Variants in RAPGEF4 observed in about 807,000 individuals in gnomAD.
RAPGEF4 encodes the protein RAP guanine-nucleotide-exchange factor (GEF) 4.
Under a neutral mutation model 147.9 loss-of-function variants are expected in RAPGEF4, and 66 were observed. The observed-to-expected ratio is 0.45, with a 90% CI of 0.37 to 0.55. The LOEUF is 0.55. Among genes scored for constraint, RAPGEF4 ranks in the 20% least tolerant of loss-of-function variants. The probability of loss-of-function intolerance (pLI) is 0.00; values close to 1 mark genes in which losing one functional copy is unlikely to be tolerated. For missense variants in RAPGEF4, 1,071 were observed against 1,257.3 expected, an observed-to-expected ratio of 0.85 and a Z score of 2.24; for synonymous variants, 419 against 442.7, an observed-to-expected ratio of 0.95 and a Z score of 0.67.
At chr2:172,756,524 T>C (rs1184329760) in intron 1 of RAPGEF4, among the ~76,000 whole-genome samples, 1 of 152,238 alleles carries the variant, frequency 6.6e-6, no homozygotes, top group Non-Finnish European at 1.5e-5. Flanking sequence ...GTTGATTGTG[T>C]CTAGTCTCCC....
chr2:173,002,728 T>A (rs2105811719), intron 17 of RAPGEF4, among the ~76,000 whole-genome samples: 1 of 152,208 alleles, frequency 6.6e-6, no homozygotes, highest in South Asian at 2.1e-4. Context: ...TAATTCTCTT[T>A]GAAGTAAACA....
At chr2:172,794,192 A>G (rs1686114895) in intron 1 of RAPGEF4, among the ~76,000 whole-genome samples, 1 of 152,012 alleles carries the variant, frequency 6.6e-6, no homozygotes, top group Non-Finnish European at 1.5e-5. Flanking sequence ...AGCCTGGCCA[A>G]CATAGTGAAA....
chr2:173,045,433 C>G (rs559848992), intron 29 of RAPGEF4, among the ~76,000 whole-genome samples: 1 of 152,228 alleles, frequency 6.6e-6, no homozygotes, highest in South Asian at 2.1e-4. Context: ...TGGAAGAGAA[C>G]CAAAACTGTC....
chr2:172,759,119 C>A (rs527553872), intron 1 of RAPGEF4, among the ~76,000 whole-genome samples: 30 of 152,244 alleles, frequency 2.0e-4, no homozygotes, highest in South Asian at 1.9e-3. Context: ...AGAAGAAAGA[C>A]CAAAATCTGG....
At chr2:173,040,188 CAAA>C (rs1293941383) in intron 29 of RAPGEF4, among the ~76,000 whole-genome samples, 6 of 93,360 alleles carry the variant, frequency 6.4e-5, no homozygotes, top group African/African-American at 7.8e-5. Flanking sequence ...GACTCCATCT[CAAA>C]AAAAAAAAAA....
At chr2:173,032,975 T>G (rs1697335604) in intron 26 of RAPGEF4, among the ~76,000 whole-genome samples, 1 of 152,212 alleles carries the variant, frequency 6.6e-6, no homozygotes, top group Non-Finnish European at 1.5e-5. Flanking sequence ...AGCTCTATCT[T>G]GGCTTAGCCC....
chr2:172,963,243 T>C (rs955662679), intron 8 of RAPGEF4, among the ~76,000 whole-genome samples: 3 of 152,200 alleles, frequency 2.0e-5, no homozygotes, highest in African/African-American at 7.2e-5. Context: ...AGATGAGATT[T>C]GTGGGGGACA....
At chr2:173,041,226 T>C (rs1684720064) in intron 29 of RAPGEF4, among the ~76,000 whole-genome samples, 1 of 152,174 alleles carries the variant, frequency 6.6e-6, no homozygotes, top group East Asian at 1.9e-4. Context: ...ATAAGATTCA[T>C]GGAGAGAGCA....
chr2:172,754,092 T>C (rs1695546782), intron 1 of RAPGEF4, among the ~76,000 whole-genome samples: 1 of 152,252 alleles, frequency 6.6e-6, no homozygotes, highest in African/African-American at 2.4e-5. Context: ...ATTAATTTTT[T>C]GCTATAAACT....
chr2:172,976,322 G>A (rs548088107), intron 10 of RAPGEF4, among the ~76,000 whole-genome samples: 2 of 152,272 alleles, frequency 1.3e-5, no homozygotes, highest in African/African-American at 4.8e-5. Flanking sequence ...GGTCCTGAGA[G>A]GTGAGGCAAA....
chr2:172,811,886 G>T (rs911657595), intron 3 of RAPGEF4, among the ~76,000 whole-genome samples: 1 of 152,126 alleles, frequency 6.6e-6, no homozygotes, highest in African/African-American at 2.4e-5. Context: ...ACATTGCAAG[G>T]CCCTGCCTGT....
chr2:172,863,576 G>A (rs1301722729), intron 4 of RAPGEF4, among the ~76,000 whole-genome samples: 1 of 152,194 alleles, frequency 6.6e-6, no homozygotes, highest in Admixed American at 6.5e-5. Flanking sequence ...TTTTAAAGAG[G>A]AAATGGGAGC....
At chr2:172,969,303 C>T (rs1690210595) in intron 10 of RAPGEF4, among the ~76,000 whole-genome samples, 1 of 152,232 alleles carries the variant, frequency 6.6e-6, no homozygotes, top group South Asian at 2.1e-4. Flanking sequence ...AAGGCTTCTC[C>T]TCCTTGGAGT....
chr2:172,771,115 A>T (rs1225753275), intron 1 of RAPGEF4, among the ~76,000 whole-genome samples: 1 of 151,898 alleles, frequency 6.6e-6, no homozygotes, highest in Non-Finnish European at 1.5e-5. Flanking sequence ...TAACATATTT[A>T]TTGTAAACAA....
intron 16 of RAPGEF4, among the ~76,000 whole-genome samples, chr2:173,000,529 A>G (rs1214758588): frequency 6.6e-6 from 1 of 152,168 alleles, no homozygotes; most frequent in Non-Finnish European, 1.5e-5. Flanking sequence ...GTTGTCTGCA[A>G]TGAAGAACCA....
chr2:172,879,820 T>G (rs1696395664), intron 4 of RAPGEF4, among the ~76,000 whole-genome samples: 1 of 152,074 alleles, frequency 6.6e-6, no homozygotes, highest in African/African-American at 2.4e-5. Flanking sequence ...GGATTACTTG[T>G]ATAATTTGTT....
intron 23 of RAPGEF4, among the ~76,000 whole-genome samples, chr2:173,023,909 C>T (rs1385062139): frequency 1.3e-5 from 2 of 152,222 alleles, no homozygotes; most frequent in African/African-American, 4.8e-5. Flanking sequence ...GAAGGAAGAA[C>T]GTGCAAGGCC....
intron 1 of RAPGEF4, among the ~76,000 whole-genome samples, chr2:172,736,795 C>T (rs1693821029): frequency 6.6e-6 from 1 of 152,218 alleles, no homozygotes; most frequent in Non-Finnish European, 1.5e-5. Context: ...TTAAACGTTA[C>T]ACAGTATGTT....
intron 4 of RAPGEF4, among the ~76,000 whole-genome samples, chr2:172,829,677 A>G (rs1435729981): frequency 6.6e-6 from 1 of 152,252 alleles, no homozygotes; most frequent in African/African-American, 2.4e-5. Flanking sequence ...TCAAGAATTC[A>G]GTGATGGGAG....
Sources: gnomAD v4.1 joint callset for allele counts (sites outside exome capture counted in the v4.1 genomes callset) on GRCh38, gnomAD v4.1.1 for gene constraint, MANE v1.5 for transcripts, NCBI Gene and HGNC (gene_info 2026-07-23, HGNC 2026-07-21) for gene names.